FANK1: variants seen among roughly 807,000 people sequenced by gnomAD.
FANK1 encodes the protein fibronectin type 3 and ankyrin repeat domains protein 1.
In FANK1, 44 loss-of-function variants were observed where a neutral mutation model predicts 45.3. The ratio of observed to expected loss-of-function variants is 0.97; its 90% CI spans 0.76 to 1.25. The LOEUF is 1.25. FANK1 is among the 50% of genes most tolerant of loss of function. The probability of loss-of-function intolerance (pLI) is 0.00; values close to 1 mark genes in which losing one functional copy is unlikely to be tolerated. For missense variants in FANK1, 391 were observed against 424.4 expected, an observed-to-expected ratio of 0.92 and a Z score of 0.69; for synonymous variants, 149 against 152.5, an observed-to-expected ratio of 0.98 and a Z score of 0.17.
intron 1 of FANK1, among the ~76,000 whole-genome samples, chr10:125,930,430 T>G (rs1031772859): frequency 1.3e-5 from 2 of 151,392 alleles, no homozygotes; most frequent in African/African-American, 4.9e-5. Flanking sequence ...TCAACCTCCC[T>G]GGCTCAAGCA....
chr10:125,903,155 G>T (rs1452198493), intron 1 of FANK1, among the ~76,000 whole-genome samples: 7 of 152,098 alleles, frequency 4.6e-5, no homozygotes, highest in African/African-American at 1.7e-4. Context: ...TCAGAACCTG[G>T]GCTTTACTTC....
At chr10:125,940,503 C>A (rs1441125612) in intron 1 of FANK1, among the ~76,000 whole-genome samples, 1 of 152,158 alleles carries the variant, frequency 6.6e-6, no homozygotes, top group African/African-American at 2.4e-5. Context: ...AGCCACAGGG[C>A]GGTTTTCTCC....
chr10:125,940,985 C>T (rs544860194), intron 1 of FANK1, among the ~76,000 whole-genome samples: 1 of 152,206 alleles, frequency 6.6e-6, no homozygotes, highest in Non-Finnish European at 1.5e-5. Flanking sequence ...CAAGGCAAAA[C>T]AATTGTTCAG....
At chr10:125,997,720 C>A (rs1212459548) in intron 6 of FANK1, among the ~76,000 whole-genome samples, 1 of 152,194 alleles carries the variant, frequency 6.6e-6, no homozygotes, top group African/African-American at 2.4e-5. Flanking sequence ...ATGGTGACTT[C>A]TCTGGCATGG....
At chr10:125,901,847 G>A (rs76265133) in intron 1 of FANK1, among the ~76,000 whole-genome samples, 39 of 152,088 alleles carry the variant, frequency 2.6e-4, no homozygotes, top group Non-Finnish European at 4.4e-4. Context: ...CTAGCTGGAC[G>A]TGGTGGCTCA....
At chr10:125,942,356 C>T (rs1263175847) in intron 1 of FANK1, among the ~76,000 whole-genome samples, 2 of 152,192 alleles carry the variant, frequency 1.3e-5, no homozygotes, top group East Asian at 1.9e-4. Context: ...CAAACCTGCA[C>T]GTCCTGCACG....
chr10:125,971,779 G>A (rs1034197082), intron 1 of FANK1, among the ~76,000 whole-genome samples: 12 of 151,912 alleles, frequency 7.9e-5, no homozygotes, highest in Admixed American at 1.3e-4. Flanking sequence ...CCGCTACCAC[G>A]GCCGGCTAAT....
chr10:125,982,571 A>G (rs911008094), intron 2 of FANK1, among the ~76,000 whole-genome samples: 3 of 152,254 alleles, frequency 2.0e-5, no homozygotes, highest in Non-Finnish European at 4.4e-5. Flanking sequence ...TCTACATAGC[A>G]TTAAAACTAG....
At chr10:125,945,811 C>T (rs1166430683) in intron 1 of FANK1, among the ~76,000 whole-genome samples, 2 of 152,212 alleles carry the variant, frequency 1.3e-5, no homozygotes, top group Non-Finnish European at 1.5e-5. Flanking sequence ...CACAGACAAA[C>T]AAAAAGACAG....
intron 1 of FANK1, among the ~76,000 whole-genome samples, chr10:125,959,785 A>G (rs957894426): frequency 6.6e-6 from 1 of 152,234 alleles, no homozygotes; most frequent in African/African-American, 2.4e-5. Flanking sequence ...CAGATAACAA[A>G]TATTCAATTT....
At position 126,004,999 on chromosome 10, in the gene FANK1, G is replaced by T; in HGVS notation, c.655G>T (p.Asp219Tyr). Residue 219 changes from aspartate (D) to tyrosine (Y), a missense_variant, in exon 7 of 11, where the codon GAT becomes TAT. Coordinates refer to ENST00000368693, the MANE Select transcript of FANK1 (RefSeq NM_145235.5). ...CTGTACAGCTCTGCACTGGGCTGCA[G>T]ATGGAGGCCACTGCAGTGTGATTGA... Reference protein sequence around the residue: ...GGCTALHWAADGGHCSVIEWM... With the variant: ...GGCTALHWAAYGGHCSVIEWM... 1.2e-6 allele frequency: 2 copies of T among 1,614,210 alleles called. No individual in the cohort carries two copies. Among genetic ancestry groups the T allele is most frequent in the Non-Finnish European group, 1.7e-6 (2 of 1,180,026 alleles).
intron 1 of FANK1, among the ~76,000 whole-genome samples, chr10:125,937,080 A>AG (rs1948152445): frequency 1.3e-5 from 2 of 152,148 alleles, no homozygotes; most frequent in Non-Finnish European, 2.9e-5. Flanking sequence ...AAAAAAAAAA[A>AG]TAAAATAATA....
chr10:125,996,709 G>A, intron 5 of FANK1, 85 bp downstream of exon 5: 2 of 1,326,002 alleles, frequency 1.5e-6, no homozygotes, highest in Admixed American at 2.1e-5. Context: ...AAGGATGGGA[G>A]GAAAAAGGGC....
intron 1 of FANK1, among the ~76,000 whole-genome samples, chr10:125,948,328 C>G (rs1948955111): frequency 6.6e-6 from 1 of 152,088 alleles, no homozygotes; most frequent in Admixed American, 6.6e-5. Flanking sequence ...AATCCAGGAG[C>G]TGGTTTTTTT....
chr10:125,991,762 C>T (rs1182867353), intron 3 of FANK1, among the ~76,000 whole-genome samples: 1 of 152,188 alleles, frequency 6.6e-6, no homozygotes, highest in East Asian at 1.9e-4. Flanking sequence ...ATATCTTCTC[C>T]AATGAGCTCG....
At chr10:125,896,915 G>A (rs917426056) in intron 1 of FANK1, among the ~76,000 whole-genome samples, 38 of 152,176 alleles carry the variant, frequency 2.5e-4, no homozygotes, top group African/African-American at 6.8e-4. Flanking sequence ...CGAGGTATGG[G>A]TGGGGAAGGG....
At chr10:125,952,456 G>A (rs753548417) in intron 1 of FANK1, among the ~76,000 whole-genome samples, 2 of 152,080 alleles carry the variant, frequency 1.3e-5, no homozygotes, top group African/African-American at 2.4e-5. Context: ...GATTTCATCT[G>A]AATAAAGCTG....
At chr10:126,002,639 T>A (rs912158907) in intron 6 of FANK1, among the ~76,000 whole-genome samples, 1 of 152,220 alleles carries the variant, frequency 6.6e-6, no homozygotes, top group Non-Finnish European at 1.5e-5. Context: ...ATCTTCTGTT[T>A]TATTTTCCAA....
At chr10:125,945,915 G>T (rs550577953) in intron 1 of FANK1, among the ~76,000 whole-genome samples, 2 of 152,218 alleles carry the variant, frequency 1.3e-5, no homozygotes, top group African/African-American at 4.8e-5. Flanking sequence ...AGAACCGGCA[G>T]ACTGCCTCCT....
Sources: allele counts gnomAD v4.1 joint callset (sites outside exome capture counted in the v4.1 genomes callset), GRCh38; gene constraint gnomAD v4.1.1; transcripts MANE v1.5; gene names NCBI Gene and HGNC (gene_info 2026-07-23, HGNC 2026-07-21).